Variants in BRINP1 observed in about 807,000 individuals in gnomAD.
BRINP1 encodes BMP/retinoic acid-inducible neural-specific protein 1.
BRINP1 carries 17 observed loss-of-function variants against 72.9 expected under a neutral mutation model. The ratio of observed to expected loss-of-function variants is 0.23; its 90% CI spans 0.16 to 0.35. BRINP1 has a LOEUF of 0.35. Among genes scored for constraint, BRINP1 ranks in the 10% least tolerant of loss-of-function variants. BRINP1 has a pLI of 1.00. For missense variants in BRINP1, 850 were observed against 1,001.6 expected (o/e 0.85, Z 2.04); for synonymous variants, 418 against 378.5 (o/e 1.10, Z -1.21).
At chr9:119,197,759 G>A (rs73530252) in intron 7 of BRINP1, among the ~76,000 whole-genome samples, 2,882 of 152,142 alleles carry the variant, frequency 0.019, 69 homozygotes, top group African/African-American at 0.057. Flanking sequence ...AGTCAGTTTC[G>A]TTTATTCCCA....
intron 5 of BRINP1, among the ~76,000 whole-genome samples, chr9:119,226,780 CTAAAG>C (rs1444080416): frequency 6.6e-6 from 1 of 151,874 alleles, no homozygotes; most frequent in Non-Finnish European, 1.5e-5. Flanking sequence ...CACAGACTGT[CTAAAG>C]TAAATAGCAG....
intron 1 of BRINP1, among the ~76,000 whole-genome samples, chr9:119,364,464 G>T (rs916920453): frequency 1.3e-5 from 2 of 152,124 alleles, no homozygotes; most frequent in African/African-American, 4.8e-5. Context: ...ACCTTCAGAG[G>T]TTTTCTTTGA....
At chr9:119,307,872 A>G (rs1161633568) in intron 2 of BRINP1, among the ~76,000 whole-genome samples, 1 of 152,208 alleles carries the variant, frequency 6.6e-6, no homozygotes, top group South Asian at 2.1e-4. Flanking sequence ...GTGCAGGTCT[A>G]TATCATTTGG....
chr9:119,201,520 C>T (rs1340277449), intron 7 of BRINP1, among the ~76,000 whole-genome samples: 2 of 152,146 alleles, frequency 1.3e-5, no homozygotes, highest in African/African-American at 4.8e-5. Context: ...CGCTAAAGAG[C>T]TGCTCTCGTT....
At chr9:119,348,347 A>T (rs1831469568) in intron 1 of BRINP1, among the ~76,000 whole-genome samples, 1 of 152,158 alleles carries the variant, frequency 6.6e-6, no homozygotes, top group Non-Finnish European at 1.5e-5. Context: ...ATCACAGTTT[A>T]TCAGTTTACC....
chr9:119,274,481 A>G (rs1830635091), intron 2 of BRINP1, among the ~76,000 whole-genome samples: 1 of 152,340 alleles, frequency 6.6e-6, no homozygotes, highest in South Asian at 2.1e-4. Context: ...GCTTCTGCCA[A>G]TGAATCTGAA....
chr9:119,184,829 A>C (rs1829598524), intron 7 of BRINP1, among the ~76,000 whole-genome samples: 2 of 152,158 alleles, frequency 1.3e-5, no homozygotes, highest in Admixed American at 1.3e-4. Context: ...AAGCCTGCAC[A>C]CTTCCCAAAA....
At chr9:119,359,886 C>G (rs1341026734) in intron 1 of BRINP1, among the ~76,000 whole-genome samples, 1 of 152,184 alleles carries the variant, frequency 6.6e-6, no homozygotes, top group Admixed American at 6.5e-5. Flanking sequence ...CCAAGAACGG[C>G]TTTAGGGCAG....
intron 7 of BRINP1, among the ~76,000 whole-genome samples, chr9:119,193,941 T>C (rs899665372): frequency 3.3e-5 from 5 of 152,138 alleles, no homozygotes; most frequent in Non-Finnish European, 7.4e-5. Context: ...TCCTATCCCT[T>C]GGAAAATTCC....
chr9:119,315,178 C>A (rs1443034975), intron 1 of BRINP1, among the ~76,000 whole-genome samples: 2 of 152,072 alleles, frequency 1.3e-5, no homozygotes, highest in Non-Finnish European at 2.9e-5. Context: ...TTGTACTTCA[C>A]TTTATTGAGA....
At chr9:119,324,515 G>C (rs1245452747) in intron 1 of BRINP1, among the ~76,000 whole-genome samples, 2 of 152,154 alleles carry the variant, frequency 1.3e-5, no homozygotes, top group Admixed American at 6.5e-5. Flanking sequence ...ACACAAACAA[G>C]AAAATGGTGA....
intron 2 of BRINP1, among the ~76,000 whole-genome samples, chr9:119,291,977 A>G (rs112550064): frequency 6.6e-6 from 1 of 152,210 alleles, no homozygotes; most frequent in Admixed American, 6.5e-5. Context: ...TAAGAAAACA[A>G]TCTTAGAAAA....
At chr9:119,180,426 G>C (rs1829541038) in intron 7 of BRINP1, among the ~76,000 whole-genome samples, 1 of 151,592 alleles carries the variant, frequency 6.6e-6, no homozygotes, top group Non-Finnish European at 1.5e-5. Context: ...GTTTTTTTAG[G>C]TTTCTGATGA....
At chr9:119,213,782 G>T in intron 6 of BRINP1, 137 bp downstream of exon 6, 1 of 714,992 alleles carries the variant, frequency 1.4e-6, no homozygotes, top group Non-Finnish European at 2.5e-6. Flanking sequence ...TATTATACTT[G>T]CATCTGGACA....
chr9:119,220,144 A>G (rs1830024930), intron 5 of BRINP1, among the ~76,000 whole-genome samples: 4 of 152,220 alleles, frequency 2.6e-5, no homozygotes, highest in Admixed American at 2.6e-4. Context: ...AGCATTTCTT[A>G]TAGTACAAGA....
intron 3 of BRINP1, among the ~76,000 whole-genome samples, chr9:119,245,995 C>T (rs779558012): frequency 2.6e-5 from 4 of 152,024 alleles, no homozygotes; most frequent in Non-Finnish European, 4.4e-5. Context: ...TAAGTAACAA[C>T]AATAATAGTA....
intron 5 of BRINP1, among the ~76,000 whole-genome samples, chr9:119,217,125 G>A (rs1186806290): frequency 6.6e-6 from 1 of 152,124 alleles, no homozygotes; most frequent in Admixed American, 6.5e-5. Context: ...AGACAGAGTC[G>A]TCTCCTGATG....
chr9:119,310,821 G>A (rs1402792254), intron 2 of BRINP1, among the ~76,000 whole-genome samples: 5 of 152,114 alleles, frequency 3.3e-5, no homozygotes, highest in Non-Finnish European at 7.4e-5. Context: ...TTGCTGAAAC[G>A]TCAATGTTTC....
chr9:119,172,405 C>A (rs1829424708), intron 7 of BRINP1, among the ~76,000 whole-genome samples: 1 of 152,216 alleles, frequency 6.6e-6, no homozygotes, highest in South Asian at 2.1e-4. Context: ...TTCCTCCACA[C>A]ATACGCTCTC....
Sources: gnomAD v4.1 joint callset for allele counts (sites outside exome capture counted in the v4.1 genomes callset) on GRCh38, gnomAD v4.1.1 for gene constraint, MANE v1.5 for transcripts, NCBI Gene and HGNC (gene_info 2026-07-23, HGNC 2026-07-21) for gene names.